Variants in ZNF90 observed in about 807,000 individuals in gnomAD.
ZNF90 encodes the protein zinc finger protein 90, also known as zinc finger protein HTF9.
ZNF90 carries 11 observed loss-of-function variants against 12.0 expected under a neutral mutation model. The ratio of observed to expected loss-of-function variants is 0.92; its 90% confidence interval spans 0.58 to 1.52. ZNF90 has a LOEUF of 1.52. Ranked by LOEUF, ZNF90 falls within the 40% of genes most tolerant of loss-of-function variation. The pLI, the probability that ZNF90 is intolerant of heterozygous loss-of-function variation, is 0.00. For synonymous variants in ZNF90, 232 were observed against 240.1 expected (o/e 0.97, Z 0.31); for missense variants, 765 against 711.5 (o/e 1.08, Z -0.86).
chr19:20,117,042 TGTGTGAGA>T (rs1352509427), intron 3 of ZNF90, among the ~76,000 whole-genome samples: 13 of 146,946 alleles, frequency 8.8e-5, no homozygotes, highest in Middle Eastern at 3.5e-3. Flanking sequence ...TGTGTGTGTG[TGTGTGAGA>T]GAGAGAGAGA....
chr19:20,113,767 G>A (rs1286741024), intron 3 of ZNF90, among the ~76,000 whole-genome samples: 1 of 152,036 alleles, frequency 6.6e-6, no homozygotes, highest in African/African-American at 2.4e-5. Flanking sequence ...GGCAGAGCTT[G>A]CAGTGAGCGG....
At chr19:20,106,525 C>A (rs1172549019) in intron 3 of ZNF90, among the ~76,000 whole-genome samples, 1 of 152,192 alleles carries the variant, frequency 6.6e-6, no homozygotes, top group Non-Finnish European at 1.5e-5. Flanking sequence ...CGCGATTTCG[C>A]TCATTGCAAG....
chr19:20,082,745 GCCCGACA>G (rs2088829734), intron 1 of ZNF90, among the ~76,000 whole-genome samples: 1 of 152,092 alleles, frequency 6.6e-6, no homozygotes, highest in African/African-American at 2.4e-5. Context: ...CCATCCCCCA[GCCCGACA>G]CCCATAAAGG....
At position 20,118,236 on chromosome 19, in the gene ZNF90, C is replaced by T. The variant is rs201249153; in HGVS notation, c.682C>T (p.Arg228Trp). 3.6e-5 allele frequency: 57 copies of T among 1,588,782 alleles called. 1 individual carries two copies. In the African/African-American group the frequency reaches 3.8e-4, roughly 11 times the overall value. ...TAAGAGAATTCATACTGGAGAGAAA[C>T]GGTACAAATGTGAAGATTGTGGCAA... is the stretch of plus-strand genomic sequence containing the variant. ...SHKRIHTGEK[R>W]YKCEDCGKEL... Residue 228 changes from arginine to tryptophan, a missense_variant, in exon 4 of 4, where the codon CGG (arginine) becomes TGG (tryptophan). By Grantham distance (101) the Arg-to-Trp change is moderately radical. Coordinates refer to ENST00000418063, the MANE Select transcript of ZNF90 (RefSeq NM_007138.2).
chr19:20,091,865 A>G (rs930994883), intron 1 of ZNF90, among the ~76,000 whole-genome samples: 2 of 152,222 alleles, frequency 1.3e-5, no homozygotes, highest in Non-Finnish European at 2.9e-5. Flanking sequence ...AGTTAAGGTA[A>G]CTAGTTCGGC....
Position 20,096,837 on chromosome 19 carries a change from G to T in ZNF90, c.4-7402G>T, listed in dbSNP as rs543524056. 4.6e-5 allele frequency among the ~76,000 whole-genome samples: 7 copies of T among 152,320 alleles called. No individual in the cohort carries two copies. The South Asian group carries it at 1.2e-3, about 27-fold the overall frequency. ...CTGTAGCCCCCTGCCAGAGTGTACAGAGCCACTGCTCTAAGTAGCCAAAAT... is the reference window on the plus strand; with the variant it reads ...CTGTAGCCCCCTGCCAGAGTGTACATAGCCACTGCTCTAAGTAGCCAAAAT... On this transcript the variant is annotated intron_variant, in intron 1 of 3. Coordinates refer to ENST00000418063, the MANE Select transcript of ZNF90 (RefSeq NM_007138.2).
intron 1 of ZNF90, among the ~76,000 whole-genome samples, chr19:20,084,983 CTT>C (rs1470733340): frequency 1.3e-5 from 2 of 152,106 alleles, no homozygotes; most frequent in Non-Finnish European, 2.9e-5. Context: ...CTCATGAAGT[CTT>C]TCCCAGTTTT....
intron 1 of ZNF90, among the ~76,000 whole-genome samples, chr19:20,085,609 CTT>C (rs1568282487): frequency 6.6e-6 from 1 of 152,176 alleles, no homozygotes; most frequent in African/African-American, 2.4e-5. Flanking sequence ...ATCTTTCTCT[CTT>C]TTGGTTTTTC....
chr19:20,092,705 C>T (rs1369849517), intron 1 of ZNF90, among the ~76,000 whole-genome samples: 49 of 152,210 alleles, frequency 3.2e-4, no homozygotes, highest in Admixed American at 2.9e-3. Flanking sequence ...AGAGATTAGT[C>T]GGATACGATC....
At chr19:20,109,073 T>A (rs147969373) in intron 3 of ZNF90, among the ~76,000 whole-genome samples, 2 of 152,188 alleles carry the variant, frequency 1.3e-5, no homozygotes, top group Non-Finnish European at 2.9e-5. Flanking sequence ...GTTTTACTTA[T>A]GTAGTAAGTA....
At chr19:20,111,156 G>A (rs1237450284) in intron 3 of ZNF90, among the ~76,000 whole-genome samples, 1 of 151,964 alleles carries the variant, frequency 6.6e-6, no homozygotes, top group East Asian at 1.9e-4. Context: ...TTATTTCTCA[G>A]TATTTTATTT....
At chr19:20,095,082 G>A (rs573516622) in intron 1 of ZNF90, among the ~76,000 whole-genome samples, 3 of 152,096 alleles carry the variant, frequency 2.0e-5, no homozygotes, top group Non-Finnish European at 4.4e-5. Context: ...AGGTCAGATG[G>A]GTCTGTAGAA....
chr19:20,111,549 A>C (rs2089088876), intron 3 of ZNF90, among the ~76,000 whole-genome samples: 1 of 133,812 alleles, frequency 7.5e-6, no homozygotes, highest in African/African-American at 4.1e-5. Context: ...GATTGCTTAA[A>C]GAAAAATTAC....
intron 3 of ZNF90, among the ~76,000 whole-genome samples, chr19:20,108,172 C>T (rs574434030): frequency 6.6e-6 from 1 of 152,246 alleles, no homozygotes; most frequent in South Asian, 2.1e-4. Flanking sequence ...AAAAGTTTCT[C>T]ATTAGAATCT....
At chr19:20,082,430 ATTC>A (rs1278807027) in intron 1 of ZNF90, among the ~76,000 whole-genome samples, 3 of 152,314 alleles carry the variant, frequency 2.0e-5, no homozygotes, top group East Asian at 3.9e-4. Flanking sequence ...ACTAAGAAAA[ATTC>A]TTCTGCCTTG....
chr19:20,105,116 G>T (rs2089023568), intron 2 of ZNF90, 105 bp from the exon 3 acceptor site: 3 of 692,300 alleles, frequency 4.3e-6, no homozygotes, highest in Non-Finnish European at 6.3e-6. Context: ...ACTCTATTTT[G>T]GAATTTACTA....
At chr19:20,117,307 G>A (rs889055095) in intron 3 of ZNF90, among the ~76,000 whole-genome samples, 7 of 152,166 alleles carry the variant, frequency 4.6e-5, no homozygotes, top group African/African-American at 1.2e-4. Flanking sequence ...GTCTCCCAAA[G>A]TGCTGGGATT....
intron 1 of ZNF90, among the ~76,000 whole-genome samples, chr19:20,080,815 T>C (rs1041943543): frequency 4.6e-5 from 7 of 152,108 alleles, no homozygotes; most frequent in Admixed American, 2.0e-4. Flanking sequence ...TGACTCTGGG[T>C]GGTGTCAGAT....
chr19:20,092,622 T>C (rs1297658706), intron 1 of ZNF90, among the ~76,000 whole-genome samples: 1 of 152,118 alleles, frequency 6.6e-6, no homozygotes, highest in Non-Finnish European at 1.5e-5. Context: ...AAACCAGGTA[T>C]CCAAAGGTGA....
Sources: allele counts gnomAD v4.1 joint callset (sites outside exome capture counted in the v4.1 genomes callset), GRCh38; gene constraint gnomAD v4.1.1; transcripts MANE v1.5; gene names NCBI Gene and HGNC (gene_info 2026-07-23, HGNC 2026-07-21).